Variants in BAIAP3 observed in about 807,000 individuals in gnomAD.
The protein encoded by BAIAP3 is BAI1-associated protein 3.
Under a neutral mutation model 149.7 loss-of-function variants are expected in BAIAP3, and 180 were observed. The ratio of observed to expected loss-of-function variants is 1.20; its 90% CI spans 1.07 to 1.36. The LOEUF is 1.36. Ranked by LOEUF, BAIAP3 falls within the 40% of genes most tolerant of loss-of-function variation. BAIAP3 has a pLI of 0.00. For missense variants in BAIAP3, 1,767 were observed against 1,563.4 expected (o/e 1.13, Z -2.20); for synonymous variants, 845 against 670.7 (o/e 1.26, Z -4.02).
intron 1 of BAIAP3, among the ~76,000 whole-genome samples, chr16:1,335,281 A>T (rs2033381888): frequency 6.6e-6 from 1 of 152,236 alleles, no homozygotes; most frequent in South Asian, 2.1e-4. Flanking sequence ...GCTCAGCCCC[A>T]GTGCCACAAG....
intron 1 of BAIAP3, chr16:1,334,734 G>C (rs367814806): frequency 6.4e-7 from 1 of 1,553,098 alleles, no homozygotes; most frequent in Non-Finnish European, 8.7e-7. Context: ...CATCGGCTTC[G>C]CAGGGGCCAT....
At chr16:1,347,441 C>T (rs1275658765) in intron 29 of BAIAP3, 72 bp downstream of exon 29, 9 of 1,593,154 alleles carry the variant, frequency 5.6e-6, no homozygotes, top group Non-Finnish European at 7.7e-6. Context: ...CCCACACGGG[C>T]TGTGTCCTTG....
intron 1 of BAIAP3, among the ~76,000 whole-genome samples, chr16:1,335,747 C>T (rs1220849644): frequency 6.6e-6 from 1 of 152,166 alleles, no homozygotes; most frequent in Non-Finnish European, 1.5e-5. Context: ...TTGCACCCAT[C>T]CTAGCAACGG....
Position 1,348,522 on chromosome 16 carries a change from A to G in BAIAP3, c.*40A>G. ...AGCCCCGGCCCTGGCCCCCACCCCA[A>G]GTTCCCTGAAGCATCCTCCAGCTCA... On this transcript the variant is annotated 3_prime_UTR_variant, in exon 34 of 34. Coordinates refer to ENST00000426824, the MANE Select transcript of BAIAP3 (RefSeq NM_001199097.2). The G allele has an allele frequency of 1.9e-6, 3 of 1,551,560 alleles. No homozygotes were observed. The highest frequency in any genetic ancestry group is 2.6e-6 in the Non-Finnish European group (3 of 1,143,492).
In BAIAP3 at chr16:1,340,859, GCA is replaced by G. The variant is rs2033878869; in HGVS notation, c.409-60_409-59del. 4 of 1,521,244 alleles carry G rather than the reference GCA, an allele frequency of 2.6e-6. No individual in the cohort carries two copies. In the South Asian group the frequency reaches 4.8e-5, roughly 18 times the overall value. The allele number at this position is 1,521,244 out of a possible 1,614,324, so 94.2% of individuals were successfully genotyped here. A position where few individuals can be genotyped will look rare whatever the true frequency, so the allele number is the denominator to read the frequency against. On this transcript the variant is annotated intron_variant, in intron 5 of 33. Transcript: ENST00000426824. ...GTGACGGGCTGAGCCCGAGGTCCCA[GCA>G]CAGTGGCCAGCCTCGCTTCAGGGGT...
chr16:1,346,096 G>A lies in BAIAP3; in HGVS notation c.2301+18G>A. 1 of 1,607,322 alleles carries A rather than the reference G, an allele frequency of 6.2e-7. No homozygotes were observed. Among genetic ancestry groups the A allele is most frequent in the South Asian group, 1.1e-5 (1 of 90,454 alleles). ...GCGAGGCGGTGAGTGACCAGCTGGGGAGGGGAGCCGGCAGGAGGTGGGGGG... is the reference window on the plus strand; with the variant it reads ...GCGAGGCGGTGAGTGACCAGCTGGGAAGGGGAGCCGGCAGGAGGTGGGGGG... On this transcript the variant is annotated intron_variant, in intron 24 of 33. Coordinates refer to ENST00000426824, the MANE Select transcript of BAIAP3 (RefSeq NM_001199097.2).
intron 1 of BAIAP3, chr16:1,336,106 T>G: frequency 8.3e-6 from 5 of 603,054 alleles, no homozygotes; most frequent in Non-Finnish European, 1.0e-5. Context: ...CTGCGTCACA[T>G]TTGTCTCCAG....
In BAIAP3 at chr16:1,346,424, C is replaced by T. The variant is rs775886955; in HGVS notation, c.2494-18C>T. The T allele has an allele frequency of 2.2e-5, 36 of 1,612,110 alleles. No homozygotes were observed. The highest frequency in any genetic ancestry group is 2.4e-5 in the Non-Finnish European group (28 of 1,179,650). On this transcript the variant is annotated intron_variant, in intron 25 of 33. Coordinates refer to ENST00000426824, the MANE Select transcript of BAIAP3 (RefSeq NM_001199097.2). ...CCTGGTGCCCCCTGCCCGTGCTGAG[C>T]ACTGCTCCTGCCCTCAGATGGTGGG... is the stretch of plus-strand genomic sequence containing the variant.
intron 21 of BAIAP3, 25 bp downstream of exon 21, chr16:1,345,124 G>A: frequency 6.2e-7 from 1 of 1,612,404 alleles, no homozygotes. Context: ...CCTATCTCTT[G>A]CAGACAGACT....
intron 1 of BAIAP3, chr16:1,334,855 C>T: frequency 8.4e-7 from 1 of 1,194,308 alleles, no homozygotes; most frequent in Non-Finnish European, 1.2e-6. Context: ...GAGAGAAGAC[C>T]AAGAGGGCAG....
chr16:1,349,424 G>A lies in BAIAP3; in HGVS notation c.*942G>A, dbSNP rs1300948165. ...TCGTCACCCAGCCTCAAAAATATAT[G>A]TGTCTGCAACCCTCAGTCTCTCTGC... On this transcript the variant is annotated 3_prime_UTR_variant, in exon 34 of 34. Transcript: ENST00000426824. 35 of 1,613,502 alleles carry A rather than the reference G, an allele frequency of 2.2e-5. No individual in the cohort carries two copies. Among genetic ancestry groups the A allele is most frequent in the Non-Finnish European group, 2.8e-5 (33 of 1,179,878 alleles).
chr16:1,334,108 T>C (rs1183247595), intron 1 of BAIAP3, among the ~76,000 whole-genome samples: 2 of 151,586 alleles, frequency 1.3e-5, no homozygotes, highest in Non-Finnish European at 3.0e-5. Flanking sequence ...CGCGCCTCCC[T>C]CCCCGGGGGA....
intron 8 of BAIAP3, 77 bp downstream of exon 8, chr16:1,341,566 T>G (rs1328013281): frequency 6.6e-7 from 1 of 1,511,284 alleles, no homozygotes; most frequent in Non-Finnish European, 8.9e-7. Flanking sequence ...TGGAGGGTGG[T>G]GGCTCGCAGC....
chr16:1,341,633 C>T (rs564062951), intron 8 of BAIAP3, 144 bp downstream of exon 8: 4 of 1,273,668 alleles, frequency 3.1e-6, no homozygotes, highest in African/African-American at 3.0e-5. Context: ...AACTGAGGCC[C>T]AGAGATGGGC....
Position 1,343,089 on chromosome 16 carries a change from G to C in BAIAP3, c.1265+73G>C, listed in dbSNP as rs112604949. ...GCGAGTGGGGCATCGGGGGCCATGC[G>C]GTGAGTGGATGTCGTGGCTGGGAGG... On this transcript the variant is annotated intron_variant, in intron 14 of 33. Transcript: ENST00000426824. 397 of 1,415,842 alleles carry C rather than the reference G, an allele frequency of 2.8e-4. 1 individual carries two copies. In the African/African-American group the frequency reaches 5.2e-3, roughly 19 times the overall value. The allele number at this position is 1,415,842 out of a possible 1,614,324, so 87.7% of individuals were successfully genotyped here. A position where few individuals can be genotyped will look rare whatever the true frequency, so the allele number is the denominator to read the frequency against.
intron 15 of BAIAP3, 105 bp from the exon 16 acceptor site, chr16:1,343,917 C>T (rs1484086642): frequency 3.9e-6 from 6 of 1,538,322 alleles, no homozygotes; most frequent in Non-Finnish European, 5.3e-6. Context: ...CAGAGCTGGG[C>T]TGACCATGCC....
At position 1,347,710 on chromosome 16, in the gene BAIAP3, G is replaced by C. The variant is rs765452162; in HGVS notation, c.2914G>C (p.Glu972Gln). 3.1e-6 allele frequency: 5 copies of C among 1,610,898 alleles called. No individual in the cohort carries two copies. The highest frequency in any genetic ancestry group is 4.2e-6 in the Non-Finnish European group (5 of 1,178,452). Reference sequence around the variant, plus strand: ...ACCCGCCTTTCCGCAGAGGACCCTGGAGCAGAACCGGTTTGGACGCCTGAG... The same window carrying C: ...ACCCGCCTTTCCGCAGAGGACCCTGCAGCAGAACCGGTTTGGACGCCTGAG... ...YLDKLKQRTL[E>Q]QNRFGRLSVR... is the part of the protein sequence containing the mutation. Residue 972 changes from glutamate to glutamine, a missense_variant, in exon 31 of 34, where the codon GAG (glutamate) becomes CAG (glutamine). Transcript: ENST00000426824.
rs751118996 is a variant in BAIAP3 at position 1,347,591 on chromosome 16, G to A, written c.2870G>A (p.Cys957Tyr). The change falls in exon 30 of 34, where the codon TGC becomes TAC. Residue 957 changes from cysteine to tyrosine, a missense_variant. Transcript: ENST00000426824. ...CTGCACAAATGTTCCACCCGCGAGT[G>A]CATCGAGCAGTTCTACCTGGACAAG... ...LRLHKCSTRE[C>Y]IEQFYLDKLK... 7 of 1,612,836 alleles carry A rather than the reference G, an allele frequency of 4.3e-6. No homozygotes were observed. Among genetic ancestry groups the A allele is most frequent in the South Asian group, 1.1e-5 (1 of 91,080 alleles).
chr16:1,334,734 G>T (rs367814806), intron 1 of BAIAP3: 4 of 1,553,098 alleles, frequency 2.6e-6, no homozygotes, highest in South Asian at 1.2e-5. Context: ...CATCGGCTTC[G>T]CAGGGGCCAT....
Sources: allele counts gnomAD v4.1 joint callset (sites outside exome capture counted in the v4.1 genomes callset), GRCh38; gene constraint gnomAD v4.1.1; transcripts MANE v1.5; gene names NCBI Gene and HGNC (gene_info 2026-07-23, HGNC 2026-07-21).